The following BCAS3 variants were observed in gnomAD, a reference collection of about 807,000 sequenced individuals.
BCAS3 encodes BCAS3 microtubule associated cell migration factor.
Under a neutral mutation model 116.1 loss-of-function variants are expected in BCAS3, and 53 were observed. That is an observed-to-expected ratio of 0.46 (90% CI 0.37 to 0.57). The LOEUF (loss-of-function observed/expected upper bound fraction) is 0.57, where lower values mean the gene tolerates loss of function less well. BCAS3 is among the 20% of genes least tolerant of loss of function. BCAS3 has a pLI of 0.00. For synonymous variants in BCAS3, 391 were observed against 408.2 expected (o/e 0.96, Z 0.51); for missense variants, 917 against 1,165.4 (o/e 0.79, Z 3.10).
chr17:61,160,224 A>G (rs1274687930), intron 22 of BCAS3, among the ~76,000 whole-genome samples: 2 of 151,042 alleles, frequency 1.3e-5, no homozygotes, highest in Non-Finnish European at 2.9e-5. Context: ...TGGTGACCTG[A>G]CTTCCTAACA....
intron 7 of BCAS3, among the ~76,000 whole-genome samples, chr17:60,844,095 G>A (rs923887360): frequency 2.6e-5 from 4 of 152,060 alleles, no homozygotes; most frequent in East Asian, 1.9e-4. Context: ...TCAGCCTCCC[G>A]AGTAGCTGGG....
At chr17:61,293,714 G>C (rs1344835884) in intron 22 of BCAS3, among the ~76,000 whole-genome samples, 1 of 152,150 alleles carries the variant, frequency 6.6e-6, no homozygotes, top group Admixed American at 6.5e-5. Context: ...GAACTATATA[G>C]GGTCATATCC....
At chr17:61,168,547 G>T (rs973172164) in intron 22 of BCAS3, among the ~76,000 whole-genome samples, 1 of 152,190 alleles carries the variant, frequency 6.6e-6, no homozygotes, top group African/African-American at 2.4e-5. Context: ...GAATTCCAGA[G>T]TGTTTTTCCC....
chr17:60,792,871 T>C (rs768861204), intron 6 of BCAS3, among the ~76,000 whole-genome samples: 9 of 152,168 alleles, frequency 5.9e-5, no homozygotes, highest in Non-Finnish European at 5.9e-5. Context: ...TATACTGTTA[T>C]GGCAACACTA....
chr17:61,057,243 A>G (rs1432541628), intron 19 of BCAS3, among the ~76,000 whole-genome samples: 1 of 152,194 alleles, frequency 6.6e-6, no homozygotes, highest in African/African-American at 2.4e-5. Flanking sequence ...ATAGTTTTTT[A>G]AATATTCCAG....
At chr17:61,036,801 A>G (rs2067069095) in intron 17 of BCAS3, among the ~76,000 whole-genome samples, 1 of 152,178 alleles carries the variant, frequency 6.6e-6, no homozygotes, top group South Asian at 2.1e-4. Context: ...TAACTTCTCA[A>G]AGTATGGCTG....
At chr17:61,225,159 C>CTT (rs5821313) in intron 22 of BCAS3, among the ~76,000 whole-genome samples, 44,588 of 142,252 alleles carry the variant, frequency 0.31, 8,526 homozygotes, top group African/African-American at 0.54. Flanking sequence ...ATCGCTCTGC[C>CTT]TTTTTTTTTT....
intron 22 of BCAS3, among the ~76,000 whole-genome samples, chr17:61,308,117 C>T (rs1602569821): frequency 6.6e-6 from 1 of 151,606 alleles, no homozygotes; most frequent in South Asian, 2.1e-4. Context: ...GGAGTTCACG[C>T]ATCCCAGCAC....
Position 61,251,227 on chromosome 17 carries a change from AG to A in BCAS3, c.2426-117099del, listed in dbSNP as rs2048345787. 6.6e-6 allele frequency among the ~76,000 whole-genome samples: 1 copy of A among 152,114 alleles called. No individual in the cohort carries two copies. Among genetic ancestry groups the A allele is most frequent in the Non-Finnish European group, 1.5e-5 (1 of 68,012 alleles). The stretch of plus-strand genomic sequence containing the variant: ...TCAGGCTGATGATAAGCTGGTGGAG[AG>A]TCTGTTAACTCAAGGCCTGATTCTA... On this transcript the variant is annotated intron_variant, in intron 22 of 23. Coordinates refer to ENST00000407086, the MANE Select transcript of BCAS3 (RefSeq NM_017679.5). This position sits in a 1 kb window ranked among gnomAD's most constrained non-coding sequence, Gnocchi z 4.7.
In BCAS3 at chr17:61,325,364, A is replaced by G. The variant is rs558919403; in HGVS notation, c.2426-42963A>G. Among the ~76,000 whole-genome samples the G allele has an allele frequency of 1.3e-5, 2 of 151,856 alleles. No homozygotes were observed. Among genetic ancestry groups the G allele is most frequent in the East Asian group, 3.9e-4 (2 of 5,182 alleles). ...CACATACTCGGCGTGGCCTCTCCCC[A>G]CCCTGCCCTGAACAGTTATTAGGGC... On this transcript the variant is annotated intron_variant, in intron 22 of 23. Coordinates refer to ENST00000407086, the MANE Select transcript of BCAS3 (RefSeq NM_017679.5). This position sits in a 1 kb window ranked among gnomAD's most constrained non-coding sequence, Gnocchi z 6.4.
intron 5 of BCAS3, chr17:60,720,095 C>T (rs764455149): frequency 3.9e-5 from 6 of 152,204 alleles, no homozygotes; most frequent in Middle Eastern, 3.4e-3. Context: ...CTGATATTTT[C>T]GCATACTTTT....
intron 15 of BCAS3, among the ~76,000 whole-genome samples, chr17:61,000,804 T>C: frequency 6.6e-6 from 1 of 152,184 alleles, no homozygotes; most frequent in East Asian, 1.9e-4. Context: ...GCTACACCAA[T>C]GCAAAACCAA....
At chr17:61,155,587 A>G (rs910413867) in intron 22 of BCAS3, among the ~76,000 whole-genome samples, 48 of 152,306 alleles carry the variant, frequency 3.2e-4, no homozygotes, top group East Asian at 5.8e-4. Flanking sequence ...CTATTTGTCA[A>G]TAAACAAGAG....
intron 21 of BCAS3, among the ~76,000 whole-genome samples, chr17:61,081,702 A>C (rs1353112029): frequency 6.6e-6 from 1 of 152,148 alleles, no homozygotes; most frequent in Non-Finnish European, 1.5e-5. Flanking sequence ...ATTCACATCA[A>C]TTTTAAGTCC....
intron 23 of BCAS3, among the ~76,000 whole-genome samples, chr17:61,370,640 G>A (rs1677428007): frequency 6.6e-6 from 1 of 152,202 alleles, no homozygotes; most frequent in South Asian, 2.1e-4. Flanking sequence ...GCCTGCCTCG[G>A]CCTCCCAGAG....
intron 7 of BCAS3, among the ~76,000 whole-genome samples, chr17:60,824,642 G>C (rs991610924): frequency 5.9e-5 from 9 of 152,192 alleles, no homozygotes; most frequent in Non-Finnish European, 8.8e-5. Flanking sequence ...TGTTTTGCAA[G>C]TAATTCTTGC....
At chr17:61,006,258 AC>A (rs1230023337) in intron 15 of BCAS3, among the ~76,000 whole-genome samples, 1 of 152,112 alleles carries the variant, frequency 6.6e-6, no homozygotes, top group Admixed American at 6.6e-5. Context: ...GTATAGGTAT[AC>A]AAAGTACATA....
In BCAS3 at chr17:61,012,921, C is replaced by G. The variant is rs1600466294; in HGVS notation, c.1487-2830C>G. On this transcript the variant is annotated intron_variant, in intron 15 of 23. Transcript: ENST00000407086. This position sits in a 1 kb window ranked among gnomAD's most constrained non-coding sequence, Gnocchi z 4.5. ...CTCGCTGAAGAACTTAACCTAAGTTCCTACTCCTCTGGCTCAATTGAGAGG... is the reference window on the plus strand; with the variant it reads ...CTCGCTGAAGAACTTAACCTAAGTTGCTACTCCTCTGGCTCAATTGAGAGG... Among the ~76,000 whole-genome samples the G allele has an allele frequency of 6.6e-6, 1 of 152,012 alleles. No homozygotes were observed. Among genetic ancestry groups the G allele is most frequent in the East Asian group, 1.9e-4 (1 of 5,190 alleles).
At chr17:60,811,077 G>C (rs1000607684) in intron 7 of BCAS3, 1 of 633,488 alleles carries the variant, frequency 1.6e-6, no homozygotes, top group Non-Finnish European at 2.9e-6. Context: ...GTACAGTCCA[G>C]TTCTTGGATA....
Sources: allele counts gnomAD v4.1 joint callset (sites outside exome capture counted in the v4.1 genomes callset), GRCh38; gene constraint gnomAD v4.1.1; non-coding constraint Gnocchi (gnomAD v3.1); transcripts MANE v1.5; gene names NCBI Gene and HGNC (gene_info 2026-07-23, HGNC 2026-07-21).